LIG3: variants seen among roughly 807,000 people sequenced by gnomAD.
The protein encoded by LIG3 is DNA ligase 3.
In LIG3, 58 loss-of-function variants were observed where a neutral mutation model predicts 110.9. That is an observed-to-expected ratio of 0.52 (90% CI 0.42 to 0.65). The LOEUF (loss-of-function observed/expected upper bound fraction) is 0.65. LIG3 is among the 30% of genes least tolerant of loss of function. LIG3 has a pLI of 0.00. For missense variants in LIG3, 1,094 were observed against 1,273.8 expected, an observed-to-expected ratio of 0.86 and a Z score of 2.15; for synonymous variants, 422 against 472.8, an observed-to-expected ratio of 0.89 and a Z score of 1.39.
rs927383397 is a variant in LIG3 at position 34,983,569 on chromosome 17, T to C, written c.547+17T>C. The C allele has an allele frequency of 6.3e-7, 1 of 1,599,090 alleles. No homozygotes were observed. Among genetic ancestry groups the C allele is most frequent in the Non-Finnish European group, 8.5e-7 (1 of 1,171,802 alleles). On this transcript the variant is annotated intron_variant, in intron 2 of 19. Transcript: ENST00000378526. ...ACATTGCAGGTAAGGTAGAGAACAC[T>C]GCTTTCTCATCTTACTGGTGCTGAG...
intron 19 of LIG3, 149 bp downstream of exon 19, chr17:35,002,938 T>A (rs1379356739): frequency 1.9e-6 from 3 of 1,611,970 alleles, no homozygotes; most frequent in Non-Finnish European, 2.5e-6. Flanking sequence ...CACTCCTCTG[T>A]CGTGGGCAGG....
At chr17:34,998,880 T>G in intron 14 of LIG3, 153 bp downstream of exon 14, 1 of 846,126 alleles carries the variant, frequency 1.2e-6, no homozygotes, top group Non-Finnish European at 1.8e-6. Flanking sequence ...CTGAGTCACC[T>G]CAGGCAGAGC....
chr17:34,993,849 G>A (rs1254682717), intron 8 of LIG3, among the ~76,000 whole-genome samples: 1 of 152,044 alleles, frequency 6.6e-6, no homozygotes, highest in Non-Finnish European at 1.5e-5. Flanking sequence ...AGGGACCCAC[G>A]ATCACTCACC....
chr17:34,996,532 C>T (rs1415648559), intron 10 of LIG3, 42 bp from the exon 11 acceptor site: 1 of 1,501,430 alleles, frequency 6.7e-7, no homozygotes, highest in African/African-American at 1.4e-5. Flanking sequence ...TTCACACTGA[C>T]TTTTGTCCTA....
chr17:34,992,638 G>A lies in LIG3; in HGVS notation c.1401G>A (p.Gln467=), dbSNP rs771474874. The A allele has an allele frequency of 6.2e-7, 1 of 1,613,680 alleles. No individual in the cohort carries two copies. Among genetic ancestry groups the A allele is most frequent in the South Asian group, 1.1e-5 (1 of 91,016 alleles). Residue 467 remains glutamine, a synonymous_variant, in exon 8 of 20, where the codon CAG becomes CAA. Coordinates refer to ENST00000378526, the MANE Select transcript of LIG3 (RefSeq NM_013975.4). ...NAQEVEKEPG[Q]RRALSVQASL... is the part of the protein sequence containing the mutation. The stretch of plus-strand genomic sequence containing the variant: ...AGGAGGTGGAGAAGGAGCCGGGCCA[G>A]AGACGAGCTCTGAGCGTCCAGGCCT...
chr17:35,001,599 A>G (rs147326245), intron 17 of LIG3, among the ~76,000 whole-genome samples, 196 bp downstream of exon 17: 1 of 152,286 alleles, frequency 6.6e-6, no homozygotes, highest in Non-Finnish European at 1.5e-5. Flanking sequence ...TTCTCCCTCC[A>G]TCTCTGAGTA....
chr17:34,991,083 A>ACC lies in LIG3; in HGVS notation c.1012_1013dup (p.Asp339GlnfsTer8). ...CTTTTCAGTCGCATTTTTAACTGCAACCCAGATGATATGGCACGGGACCTA... is the reference window on the plus strand; with the variant it reads ...CTTTTCAGTCGCATTTTTAACTGCAACCCCCAGATGATATGGCACGGGACCTA... On this transcript the variant is annotated frameshift_variant, in exon 5 of 20. Coordinates refer to ENST00000378526, the MANE Select transcript of LIG3 (RefSeq NM_013975.4). LOFTEE classifies it high-confidence loss of function. The ACC allele has an allele frequency of 6.2e-7, 1 of 1,614,150 alleles. No homozygotes were observed. The highest frequency in any genetic ancestry group is 8.5e-7 in the Non-Finnish European group (1 of 1,180,024).
At chr17:34,992,158 G>A (rs942654741) in intron 7 of LIG3, 123 bp downstream of exon 7, 19 of 825,688 alleles carry the variant, frequency 2.3e-5, no homozygotes, top group Middle Eastern at 2.4e-4. Context: ...CTTACTTTCT[G>A]TGAGACCCTG....
Position 34,991,013 on chromosome 17 carries a change from G to A in LIG3, c.940G>A (p.Val314Ile), listed in dbSNP as rs756530397. The A allele has an allele frequency of 5.0e-6, 8 of 1,614,130 alleles. No homozygotes were observed. The Admixed American group carries it at 1.3e-4, about 27-fold the overall frequency. Residue 314 changes from valine to isoleucine, a missense_variant, in exon 5 of 20, where the codon GTC becomes ATC. Coordinates refer to ENST00000378526, the MANE Select transcript of LIG3 (RefSeq NM_013975.4). ...AACAGTGAAGCTGCTGCTGCCAGGA[G>A]TCATTAAGACTGTTTACAACTTGAA... ...YLTVKLLLPG[V>I]IKTVYNLNDK...
At chr17:34,997,602 T>C (rs1487863974) in intron 11 of LIG3, 136 bp from the exon 12 acceptor site, 12 of 668,148 alleles carry the variant, frequency 1.8e-5, no homozygotes, top group Non-Finnish European at 3.3e-5. Flanking sequence ...AGCAGAACTG[T>C]TACACATGAG....
intron 9 of LIG3, 55 bp from the exon 10 acceptor site, chr17:34,996,009 T>C (rs1597798357): frequency 6.3e-7 from 1 of 1,584,954 alleles, no homozygotes; most frequent in East Asian, 2.2e-5. Flanking sequence ...CATGGCATGG[T>C]TTGAGGTCCC....
intron 19 of LIG3, chr17:35,003,159 G>C: frequency 6.5e-7 from 1 of 1,543,846 alleles, no homozygotes; most frequent in Non-Finnish European, 8.8e-7. Context: ...ATGCAGCATT[G>C]AGTTTGTGGT....
At chr17:34,985,572 GCT>G (rs1277399664) in intron 2 of LIG3, among the ~76,000 whole-genome samples, 2 of 152,166 alleles carry the variant, frequency 1.3e-5, no homozygotes, top group African/African-American at 4.8e-5. Context: ...AGGTTGACAT[GCT>G]CTGTGATCCT....
intron 16 of LIG3, among the ~76,000 whole-genome samples, chr17:35,000,795 G>A (rs909399543): frequency 4.6e-5 from 7 of 151,312 alleles, no homozygotes; most frequent in Non-Finnish European, 1.0e-4. Flanking sequence ...TGCATTTTTA[G>A]TAGAGATAGG....
chr17:35,006,324 C>G lies in LIG3; in HGVS notation c.*1818C>G, dbSNP rs963723506. On this transcript the variant is annotated 3_prime_UTR_variant, in exon 20 of 20. Coordinates refer to ENST00000378526, the MANE Select transcript of LIG3 (RefSeq NM_013975.4). ...TTATTTTAATTCAACTTCAAATGGTCACATGTCACTAGTGACTACCACACT... is the reference window on the plus strand; with the variant it reads ...TTATTTTAATTCAACTTCAAATGGTGACATGTCACTAGTGACTACCACACT... 6.4e-6 allele frequency: 1 copy of G among 155,060 alleles called. No individual in the cohort carries two copies. The allele number at this position is 155,060 out of a possible 1,614,324, so 9.6% of individuals were successfully genotyped here. A position where few individuals can be genotyped will look rare whatever the true frequency, so the allele number is the denominator to read the frequency against.
intron 1 of LIG3, among the ~76,000 whole-genome samples, chr17:34,981,898 G>T (rs767835372): frequency 1.3e-4 from 20 of 152,210 alleles, no homozygotes; most frequent in Non-Finnish European, 2.8e-4. Context: ...TGTGAGTCTT[G>T]CTGCCCAGTG....
chr17:34,990,875 G>A (rs952800152), intron 4 of LIG3, 88 bp from the exon 5 acceptor site: 3 of 1,324,658 alleles, frequency 2.3e-6, no homozygotes, highest in African/African-American at 2.9e-5. Flanking sequence ...GAGATTACAG[G>A]TGTGAGCCAC....
chr17:34,980,530 A>C lies in LIG3; in HGVS notation c.-97A>C. 7.8e-7 allele frequency: 1 copy of C among 1,283,826 alleles called. No individual in the cohort carries two copies. Among genetic ancestry groups the C allele is most frequent in the Non-Finnish European group, 1.0e-6 (1 of 985,034 alleles). 79.5% of individuals were successfully genotyped at this position (1,283,826 alleles called of 1,614,324 possible). A position where few individuals can be genotyped will look rare whatever the true frequency, so the allele number is the denominator to read the frequency against. ...GCCTCCCGCTCTAGGACCCGGATTT[A>C]AAGAGACAGGCGCTCCAACCGTCGT... On this transcript the variant is annotated 5_prime_UTR_variant, in exon 1 of 20. Coordinates refer to ENST00000378526, the MANE Select transcript of LIG3 (RefSeq NM_013975.4).
At chr17:34,987,771 G>T (rs1044184616) in intron 3 of LIG3, among the ~76,000 whole-genome samples, 1 of 152,214 alleles carries the variant, frequency 6.6e-6, no homozygotes, top group Non-Finnish European at 1.5e-5. Context: ...CTCTGCTTCA[G>T]TGAGTTTGTG....
Sources: allele counts gnomAD v4.1 joint callset (sites outside exome capture counted in the v4.1 genomes callset), GRCh38; gene constraint gnomAD v4.1.1; transcripts MANE v1.5; gene names NCBI Gene and HGNC (gene_info 2026-07-23, HGNC 2026-07-21).